PTPRD: variants seen among roughly 807,000 people sequenced by gnomAD.
The protein encoded by PTPRD is protein tyrosine phosphatase receptor type D.
In PTPRD, 34 loss-of-function variants were observed where a neutral mutation model predicts 214.5. The ratio of observed to expected loss-of-function variants is 0.16; its 90% confidence interval spans 0.12 to 0.21. The LOEUF (loss-of-function observed/expected upper bound fraction) is 0.21. Ranked by LOEUF, PTPRD falls within the 10% of genes least tolerant of loss-of-function variation. The pLI is 1.00. For missense variants in PTPRD, 2,545 were observed against 2,398.7 expected (o/e 1.06, Z -1.27); for synonymous variants, 1,128 against 845.7 (o/e 1.33, Z -5.79).
At chr9:8,842,849 C>G (rs1466531834) in intron 11 of PTPRD, among the ~76,000 whole-genome samples, 7 of 152,124 alleles carry the variant, frequency 4.6e-5, no homozygotes, top group Non-Finnish European at 1.0e-4. Context: ...GTTTCACATC[C>G]CCAGGATACC....
At position 9,911,352 on chromosome 9, in the gene PTPRD, A is replaced by T. The variant is rs553247948; in HGVS notation, c.-368+27155T>A. On this transcript the variant is annotated intron_variant, in intron 5 of 45. Transcript: ENST00000381196. ...GTGATTCTATCTAATTAAAAAGAACACTTCCAAACTTGTTTGAATGCAAAT... is the reference window on the plus strand; with the variant it reads ...GTGATTCTATCTAATTAAAAAGAACTCTTCCAAACTTGTTTGAATGCAAAT... Among the ~76,000 whole-genome samples, 96 of 152,178 alleles carry T rather than the reference A, an allele frequency of 6.3e-4. No homozygotes were observed. The South Asian group carries it at 0.011, about 18-fold the overall frequency.
chr9:9,742,285 G>A (rs2098411861), intron 6 of PTPRD, among the ~76,000 whole-genome samples: 2 of 152,142 alleles, frequency 1.3e-5, no homozygotes, highest in South Asian at 4.1e-4. Flanking sequence ...GAGCATGTAT[G>A]ATGGGGACCA....
intron 11 of PTPRD, among the ~76,000 whole-genome samples, chr9:8,945,458 C>G (rs10977388): frequency 0.3 from 44,929 of 151,718 alleles, 7,165 homozygotes; most frequent in South Asian, 0.36. Flanking sequence ...TACTGCTGTC[C>G]TCACTTTATT....
chr9:8,955,753 TA>T (rs568152106), intron 11 of PTPRD, among the ~76,000 whole-genome samples: 5 of 151,822 alleles, frequency 3.3e-5, no homozygotes, highest in African/African-American at 1.2e-4. Flanking sequence ...GCCTTTTAAT[TA>T]AAAAAAGTCT....
At chr9:10,163,519 T>A (rs1476157374) in intron 3 of PTPRD, among the ~76,000 whole-genome samples, 1 of 151,426 alleles carries the variant, frequency 6.6e-6, no homozygotes, top group Non-Finnish European at 1.5e-5. Flanking sequence ...TCCATTAAAG[T>A]TGCTGTTATT....
At chr9:8,848,504 ATTT>A (rs34149878) in intron 11 of PTPRD, among the ~76,000 whole-genome samples, 18,916 of 124,958 alleles carry the variant, frequency 0.15, 2,984 homozygotes, top group African/African-American at 0.41. Context: ...TCTGGCAAAT[ATTT>A]TTTTTTTTTT....
At chr9:8,415,927 G>A (rs964872570) in intron 35 of PTPRD, among the ~76,000 whole-genome samples, 1 of 152,016 alleles carries the variant, frequency 6.6e-6, no homozygotes, top group African/African-American at 2.4e-5. Context: ...CCATATCAAG[G>A]TATTCTCAAG....
chr9:8,581,912 C>CAAAA, intron 14 of PTPRD, among the ~76,000 whole-genome samples: 1 of 9,176 alleles, frequency 1.1e-4, no homozygotes, highest in Non-Finnish European at 1.8e-4. Context: ...GACTCAATCT[C>CAAAA]CAAAAAAAAA....
chr9:8,694,419 A>T (rs2097865260), intron 12 of PTPRD, among the ~76,000 whole-genome samples: 1 of 152,220 alleles, frequency 6.6e-6, no homozygotes, highest in Non-Finnish European at 1.5e-5. Context: ...CTTCTACAAT[A>T]AAAGTCTGAT....
At position 8,465,562 on chromosome 9, in the gene PTPRD, C is replaced by T. The variant is rs2096529240; in HGVS notation, c.3618G>A (p.Gly1206=). ...TAAATCCACCATAATGCTTGTCATCCCCCAGGGTGAACTCAGTGGGAAGGA... is the reference window on the plus strand; with the variant it reads ...TAAATCCACCATAATGCTTGTCATCTCCCAGGGTGAACTCAGTGGGAAGGA... ...FDVLPTEFTL[G]DDKHYGGFTN... Residue 1206 remains glycine, a synonymous_variant, in exon 32 of 46, where the codon GGG becomes GGA. Transcript: ENST00000381196. 1 of 1,612,384 alleles carries T rather than the reference C, an allele frequency of 6.2e-7. No individual in the cohort carries two copies. The highest frequency in any genetic ancestry group is 1.7e-5 in the Admixed American group (1 of 59,818).
chr9:8,768,923 G>A (rs2094971982), intron 11 of PTPRD, among the ~76,000 whole-genome samples: 2 of 152,158 alleles, frequency 1.3e-5, no homozygotes, highest in Non-Finnish European at 2.9e-5. Flanking sequence ...GTAGTCTAAT[G>A]CCGTTCTTAC....
In PTPRD at chr9:8,367,413, G is replaced by T. The variant is rs1023517484; in HGVS notation, c.4661+8523C>A. Among the ~76,000 whole-genome samples the T allele has an allele frequency of 3.9e-5, 6 of 152,122 alleles. 1 individual carries two copies. Among genetic ancestry groups the T allele is most frequent in the South Asian group, 4.1e-4 (2 of 4,826 alleles). ...TGTAACAATGTGGGGGAAGGGAGGT[G>T]AGGGTGGTGAGCAAAGCCCAAGGAC... On this transcript the variant is annotated intron_variant, in intron 39 of 45. Transcript: ENST00000381196.
At chr9:10,179,446 A>C (rs1270803481) in intron 3 of PTPRD, among the ~76,000 whole-genome samples, 1 of 152,046 alleles carries the variant, frequency 6.6e-6, no homozygotes, top group African/African-American at 2.4e-5. Flanking sequence ...TGTCTAAATG[A>C]ACAATAGTAA....
At chr9:8,355,296 C>T (rs1369281898) in intron 39 of PTPRD, among the ~76,000 whole-genome samples, 1 of 152,198 alleles carries the variant, frequency 6.6e-6, no homozygotes, top group Non-Finnish European at 1.5e-5. Flanking sequence ...CAGTATCACG[C>T]TTGCTGTACT....
At chr9:10,361,122 C>G (rs945776168) in intron 2 of PTPRD, among the ~76,000 whole-genome samples, 10 of 152,084 alleles carry the variant, frequency 6.6e-5, no homozygotes, top group Admixed American at 6.5e-4. Context: ...AACAAATAAA[C>G]AAAAAATTGT....
chr9:9,206,669 T>A (rs1185163396), intron 9 of PTPRD, among the ~76,000 whole-genome samples: 1 of 152,168 alleles, frequency 6.6e-6, no homozygotes, highest in Admixed American at 6.5e-5. Context: ...TCTTCCTGCC[T>A]TCATCTGTCT....
At chr9:9,631,966 G>C (rs2095608776) in intron 7 of PTPRD, among the ~76,000 whole-genome samples, 1 of 152,104 alleles carries the variant, frequency 6.6e-6, no homozygotes, top group South Asian at 2.1e-4. Context: ...AAAAAGTAAG[G>C]TTTATAATGG....
intron 11 of PTPRD, among the ~76,000 whole-genome samples, chr9:8,906,328 AC>A (rs1299301696): frequency 6.6e-6 from 1 of 152,168 alleles, no homozygotes; most frequent in Non-Finnish European, 1.5e-5. Flanking sequence ...AAATTCTTTT[AC>A]AATTAGTTTG....
chr9:8,684,063 T>C (rs1229754140), intron 12 of PTPRD, among the ~76,000 whole-genome samples: 1 of 152,084 alleles, frequency 6.6e-6, no homozygotes, highest in Non-Finnish European at 1.5e-5. Flanking sequence ...AGTCTTCTCA[T>C]TGCAGCTAAG....
Sources: allele counts gnomAD v4.1 joint callset (sites outside exome capture counted in the v4.1 genomes callset), GRCh38; gene constraint gnomAD v4.1.1; transcripts MANE v1.5; gene names NCBI Gene and HGNC (gene_info 2026-07-23, HGNC 2026-07-21).